The following TTC3 variants were observed in gnomAD, a reference collection of about 807,000 sequenced individuals.
TTC3 encodes the protein E3 ubiquitin-protein ligase TTC3.
In TTC3, 180 loss-of-function variants were observed where a neutral mutation model predicts 249.6. The ratio of observed to expected loss-of-function variants is 0.72; its 90% CI spans 0.64 to 0.82. TTC3 has a LOEUF of 0.82. Ranked by LOEUF, TTC3 falls within the 40% of genes least tolerant of loss-of-function variation. The pLI, the probability that TTC3 is intolerant of heterozygous loss-of-function variation, is 0.00. For synonymous variants in TTC3, 717 were observed against 805.0 expected, an observed-to-expected ratio of 0.89 and a Z score of 1.85; for missense variants, 2,061 against 2,398.4, an observed-to-expected ratio of 0.86 and a Z score of 2.94.
At chr21:37,081,039 T>C (rs942446297) in intron 1 of TTC3, among the ~76,000 whole-genome samples, 2 of 152,004 alleles carry the variant, frequency 1.3e-5, no homozygotes, top group African/African-American at 4.8e-5. Context: ...GGTGTTTCTT[T>C]TCTGTCAGTA....
rs186448813 is a variant in TTC3 at position 37,181,786 on chromosome 21, T to C, written c.4618-988T>C. 2.3e-3 allele frequency among the ~76,000 whole-genome samples: 352 copies of C among 152,294 alleles called. 6 individuals carry two copies. The highest frequency in any genetic ancestry group is 0.022 in the Admixed American group (336 of 15,302). On this transcript the variant is annotated intron_variant, in intron 35 of 45. Transcript: ENST00000355666. ...TCTTAAGTTGATAGAGCTTTTGACC[T>C]GAGGGCCATGATTTCCTATGGAATC...
chr21:37,121,877 G>A, exon 12 of TTC3: 2 of 1,612,628 alleles, frequency 1.2e-6, no homozygotes, highest in Non-Finnish European at 1.7e-6. Flanking sequence ...GGCCCTGCAA[G>A]CAAACATAAA....
intron 36 of TTC3, among the ~76,000 whole-genome samples, chr21:37,183,938 C>T (rs1001383812): frequency 3.9e-5 from 6 of 152,122 alleles, no homozygotes; most frequent in African/African-American, 9.7e-5. Context: ...TGGGGGGCCA[C>T]GCTACACACT....
chr21:37,093,952 G>C lies in TTC3; in HGVS notation c.602-53G>C, dbSNP rs554179995. 85 of 1,201,314 alleles carry C rather than the reference G, an allele frequency of 7.1e-5. No individual in the cohort carries two copies. In the South Asian group the frequency reaches 7.1e-4, roughly 10 times the overall value. The allele number at this position is 1,201,314 out of a possible 1,614,324, so 74.4% of individuals were successfully genotyped here. A position where few individuals can be genotyped will look rare whatever the true frequency, so the allele number is the denominator to read the frequency against. On this transcript the variant is annotated intron_variant, in intron 7 of 45. Transcript: ENST00000355666. The stretch of plus-strand genomic sequence containing the variant: ...ATTAGAATATTATCAATACCAATTT[G>C]TTTTTTTTTAAACAAATGTTCTCTC...
At chr21:37,145,303 AAAT>A (rs1342527566) in intron 21 of TTC3, among the ~76,000 whole-genome samples, 1 of 152,010 alleles carries the variant, frequency 6.6e-6, no homozygotes, top group Non-Finnish European at 1.5e-5. Flanking sequence ...ATAAAAAGAC[AAAT>A]AATCTAAGAA....
intron 24 of TTC3, 140 bp downstream of exon 24, chr21:37,150,310 G>A (rs889436253): frequency 3.0e-6 from 2 of 665,518 alleles, no homozygotes; most frequent in Admixed American, 2.9e-5. Flanking sequence ...GAAAATATAG[G>A]AAATACTGGG....
Position 37,197,958 on chromosome 21 carries a change from C to T in TTC3, c.5783C>T (p.Pro1928Leu). The change falls in exon 44 of 46, where the codon CCC (proline) becomes CTC (leucine). Residue 1928 changes from proline to leucine, a missense_variant. This residue lies in a region of TTC3 where 1,040 missense variants were observed against 1,186.1 expected (regional missense o/e 0.88). Transcript: ENST00000355666. ...GTGACCAGGTCCTCCCAGGGCTCAC[C>T]CTCGGTGGTTGTTGCACCATCACCC... 1 of 1,613,962 alleles carries T rather than the reference C, an allele frequency of 6.2e-7. No individual in the cohort carries two copies. The highest frequency in any genetic ancestry group is 8.5e-7 in the Non-Finnish European group (1 of 1,179,972).
rs765741200 is a variant in TTC3 at position 37,167,676 on chromosome 21, G to T, written c.4467+56G>T. 145 of 1,366,528 alleles carry T rather than the reference G, an allele frequency of 1.1e-4. 1 individual carries two copies. Among genetic ancestry groups the T allele is most frequent in the Middle Eastern group, 1.8e-4 (1 of 5,534 alleles). The allele number at this position is 1,366,528 out of a possible 1,614,324, so 84.7% of individuals were successfully genotyped here. On this transcript the variant is annotated intron_variant, in intron 34 of 45. Transcript: ENST00000355666. Reference sequence around the variant, plus strand: ...GGTTTAGTTTTCATTAATTTATCTAGATGGAATGATGAACTAGAACTATTT... The same window carrying T: ...GGTTTAGTTTTCATTAATTTATCTATATGGAATGATGAACTAGAACTATTT...
intron 17 of TTC3, among the ~76,000 whole-genome samples, chr21:37,134,417 C>G (rs1453282520): frequency 6.6e-6 from 1 of 151,920 alleles, no homozygotes; most frequent in Non-Finnish European, 1.5e-5. Context: ...CCACTGCACT[C>G]CAGCCTGGAC....
rs755009904 is a variant in TTC3 at position 37,097,900 on chromosome 21, T to C, written c.845+1257T>C. 5.7e-6 allele frequency: 4 copies of C among 702,808 alleles called. No individual in the cohort carries two copies. The Admixed American group carries it at 8.5e-5, about 15-fold the overall frequency. 43.5% of individuals were successfully genotyped at this position (702,808 alleles called of 1,614,324 possible). On this transcript the variant is annotated intron_variant, in intron 10 of 45. Transcript: ENST00000355666. ...AAAAATAACATTTATTGTGTTTTTC[T>C]TTTATTGTAAACAGAACACATTCTC... is the stretch of plus-strand genomic sequence containing the variant.
intron 10 of TTC3, among the ~76,000 whole-genome samples, chr21:37,107,525 T>G (rs557150909): frequency 6.6e-6 from 1 of 152,316 alleles, no homozygotes; most frequent in South Asian, 2.1e-4. Flanking sequence ...CATTTAATAA[T>G]GTAGTATCTA....
At chr21:37,185,908 C>A (rs958535287) in intron 37 of TTC3, 134 bp downstream of exon 37, 2 of 386,366 alleles carry the variant, frequency 5.2e-6, no homozygotes, top group African/African-American at 4.2e-5. Context: ...TTCTTTATTT[C>A]TATTTCTGTT....
chr21:37,172,347 G>A (rs1298021182), intron 34 of TTC3, among the ~76,000 whole-genome samples: 1 of 152,066 alleles, frequency 6.6e-6, no homozygotes, highest in Non-Finnish European at 1.5e-5. Context: ...CAAATATTCA[G>A]AACTAATTAT....
intron 10 of TTC3, among the ~76,000 whole-genome samples, chr21:37,104,450 C>T (rs1008330779): frequency 2.0e-5 from 3 of 151,974 alleles, no homozygotes; most frequent in African/African-American, 7.2e-5. Context: ...ATTAGCTGGG[C>T]GTGGTGGTAG....
intron 10 of TTC3, chr21:37,097,911 A>T: frequency 1.4e-6 from 1 of 710,606 alleles, no homozygotes; most frequent in Non-Finnish European, 2.6e-6. Context: ...TTTATTGTAA[A>T]CAGAACACAT....
Position 37,075,086 on chromosome 21 carries a change from G to A in TTC3, c.-12+1722G>A, listed in dbSNP as rs188980540. On this transcript the variant is annotated intron_variant, in intron 1 of 45. Coordinates refer to ENST00000355666, the Ensembl canonical transcript of TTC3. ...TTGCATATTTTATACTTTGATCAAG[G>A]TGAATCCATACACAATATATATTAT... 3.2e-3 allele frequency among the ~76,000 whole-genome samples: 480 copies of A among 150,998 alleles called. 2 individuals carry two copies. Among genetic ancestry groups the A allele is most frequent in the Admixed American group, 7.0e-3 (107 of 15,202 alleles).
intron 10 of TTC3, among the ~76,000 whole-genome samples, chr21:37,101,976 TA>T (rs2147762202): frequency 6.7e-6 from 1 of 149,780 alleles, no homozygotes. Flanking sequence ...AATGTTAAAT[TA>T]TAGATATATT....
At chr21:37,092,895 T>C in intron 7 of TTC3, among the ~76,000 whole-genome samples, 1 of 152,180 alleles carries the variant, frequency 6.6e-6, no homozygotes, top group East Asian at 1.9e-4. Flanking sequence ...TACTGCATCT[T>C]AATTAGTTTA....
chr21:37,121,485 C>G (rs2076579801), intron 11 of TTC3: 1 of 172,620 alleles, frequency 5.8e-6, no homozygotes, highest in Non-Finnish European at 1.2e-5. Context: ...TAATGAATGA[C>G]ATTTTTTACT....
Sources: gnomAD v4.1 joint callset for allele counts (sites outside exome capture counted in the v4.1 genomes callset) on GRCh38, gnomAD v4.1.1 for gene constraint, gnomAD v4.1.1 regional missense constraint, MANE v1.5 for transcripts, NCBI Gene and HGNC (gene_info 2026-07-23, HGNC 2026-07-21) for gene names.